DMD: variants seen among roughly 807,000 people sequenced by gnomAD.
DMD encodes dystrophin, also known as mutant dystrophin.
DMD carries 63 observed loss-of-function variants against 330.1 expected under a neutral mutation model. The observed-to-expected ratio is 0.19, with a 90% CI of 0.16 to 0.24. The LOEUF (loss-of-function observed/expected upper bound fraction) is 0.24. Among genes scored for constraint, DMD ranks in the 10% least tolerant of loss-of-function variants. The pLI is 1.00. For missense variants in DMD, 3,344 were observed against 2,684.1 expected (o/e 1.25, Z -5.43); for synonymous variants, 1,223 against 959.8 (o/e 1.27, Z -5.07).
chrX:31,896,670 T>C (rs1054116943), intron 47 of DMD, among the ~76,000 whole-genome samples: 2 of 111,827 alleles, frequency 1.8e-5, no homozygotes, highest in African/African-American at 3.2e-5. Context: ...TTATTGAGTA[T>C]AGAAAACCAT....
chrX:32,141,101 C>G (rs2096750131), intron 44 of DMD, among the ~76,000 whole-genome samples: 1 of 110,452 alleles, frequency 9.1e-6, no homozygotes, highest in African/African-American at 3.3e-5. Context: ...GCCCATTACT[C>G]CCTATGCAGT....
rs1320545270 is a variant in DMD at position 32,042,200 on chromosome X, CACACAT to C, written c.6439-73692_6439-73687del. Among the ~76,000 whole-genome samples the C allele has an allele frequency of 2.3e-3, 238 of 103,408 alleles. 1 individual carries two copies. Among genetic ancestry groups the C allele is most frequent in the African/African-American group, 8.0e-3 (226 of 28,193 alleles). The allele number at this position is 103,408 out of a possible 115,157, so 89.8% of individuals were successfully genotyped here. ...ATATATACATACATATACACACACA[CACACAT>C]ACACATACACACACATATATGTGCA... On this transcript the variant is annotated intron_variant, in intron 44 of 78. Transcript: ENST00000357033.
intron 52 of DMD, among the ~76,000 whole-genome samples, chrX:31,693,076 C>T (rs1200972773): frequency 9.0e-6 from 1 of 111,710 alleles, no homozygotes; most frequent in Admixed American, 9.5e-5. Context: ...GATTATTCAC[C>T]ATGACCAAGA....
intron 1 of DMD, among the ~76,000 whole-genome samples, chrX:33,112,566 T>C (rs1314393203): frequency 9.0e-6 from 1 of 111,387 alleles, no homozygotes; most frequent in Non-Finnish European, 1.9e-5. Flanking sequence ...ATTTGCAGCA[T>C]AATTGGAAGT....
chrX:33,020,610 G>C, intron 1 of DMD, among the ~76,000 whole-genome samples: 1 of 111,659 alleles, frequency 9.0e-6, no homozygotes, highest in Non-Finnish European at 1.9e-5. Context: ...GGAGGTGGAG[G>C]TTGCAGTGAG....
At chrX:32,410,159 C>T (rs2098135845) in intron 30 of DMD, among the ~76,000 whole-genome samples, 1 of 110,647 alleles carries the variant, frequency 9.0e-6, no homozygotes, top group South Asian at 3.8e-4. Context: ...CATTATATAT[C>T]AAGACAAATT....
rs140384479 is a variant in DMD at position 31,145,749 on chromosome X, G to A, written c.10921+542C>T. ...GCCATCTTGGCTCACTGCAACCTCC[G>A]CCTCCTGGGCTCAAGCGATTCTCCT... On this transcript the variant is annotated intron_variant, in intron 76 of 78. Coordinates refer to ENST00000357033, the MANE Select transcript of DMD (RefSeq NM_004006.3). Among the ~76,000 whole-genome samples, 1,027 of 104,127 alleles carry A rather than the reference G, an allele frequency of 9.9e-3. 8 individuals are homozygous for A. The highest frequency in any genetic ancestry group is 0.035 in the African/African-American group (958 of 27,437). 90.4% of individuals were successfully genotyped at this position (104,127 alleles called of 115,157 possible). A position where few individuals can be genotyped will look rare whatever the true frequency, so the allele number is the denominator to read the frequency against.
rs1569546101 is a variant in DMD at position 32,963,162 on chromosome X, G to A, written c.93+56977C>T. On this transcript the variant is annotated intron_variant, in intron 2 of 78. Transcript: ENST00000357033. ...AATTTATGCATACATGTGTATTGTA[G>A]TTTGAGTTTCATAATAAAACTCAAA... Among the ~76,000 whole-genome samples the A allele has an allele frequency of 2.7e-5, 3 of 111,871 alleles. No homozygotes were observed. The Admixed American group carries it at 2.9e-4, about 11-fold the overall frequency.
At chrX:33,322,618 T>C (rs2054032299) in intron 1 of DMD, among the ~76,000 whole-genome samples, 2 of 111,635 alleles carry the variant, frequency 1.8e-5, no homozygotes, top group South Asian at 3.7e-4. Context: ...CTTTCTATGC[T>C]TTCAGTGTTA....
chrX:33,291,017 T>G (rs1445092816), intron 1 of DMD, among the ~76,000 whole-genome samples: 2 of 111,195 alleles, frequency 1.8e-5, no homozygotes, highest in East Asian at 5.6e-4. Context: ...AATAAAATAC[T>G]GGCAAACTGA....
chrX:32,950,571 A>G (rs983942942), intron 2 of DMD, among the ~76,000 whole-genome samples: 1 of 111,282 alleles, frequency 9.0e-6, no homozygotes, highest in African/African-American at 3.3e-5. Flanking sequence ...GAAGGCAAAT[A>G]TTATCAGCCT....
chrX:31,306,543 T>G (rs968867170), intron 62 of DMD, among the ~76,000 whole-genome samples: 2 of 112,258 alleles, frequency 1.8e-5, no homozygotes, highest in Non-Finnish European at 3.8e-5. Context: ...GGCAATAATC[T>G]GTTCACTATA....
At chrX:32,150,433 G>A (rs2096798558) in intron 44 of DMD, among the ~76,000 whole-genome samples, 1 of 111,436 alleles carries the variant, frequency 9.0e-6, no homozygotes, top group South Asian at 3.8e-4. Flanking sequence ...GCTGGTGGTG[G>A]CATACCTAAA....
chrX:32,513,424 A>G (rs932965452), intron 18 of DMD, among the ~76,000 whole-genome samples: 2 of 112,609 alleles, frequency 1.8e-5, no homozygotes. Context: ...GTCATCTTAA[A>G]TAGAAGTAAG....
chrX:31,614,712 G>C (rs2078105121), intron 55 of DMD, among the ~76,000 whole-genome samples: 1 of 111,780 alleles, frequency 8.9e-6, no homozygotes, highest in South Asian at 3.7e-4. Context: ...TTTATGCACA[G>C]ACCTTTGTGC....
Position 33,190,948 on chromosome X carries a change from TAATATTATATATATATATAATATATA to T in DMD, c.31+20308_31+20333del, listed in dbSNP as rs2050567892. On this transcript the variant is annotated intron_variant, in intron 1 of 78. Transcript: ENST00000357033. ...TAATATTATATATATATATAATATATAATATTATATATATATATAATATATAATATTATATATATATATATAATATA... is the reference window on the plus strand; with the variant it reads ...TAATATTATATATATATATAATATATATATTATATATATATATATAATATA... 9.3e-4 allele frequency among the ~76,000 whole-genome samples: 8 copies of T among 8,585 alleles called. 2 individuals are homozygous for T. In the Admixed American group the frequency reaches 0.011, roughly 12 times the overall value. The allele number at this position is 8,585 out of a possible 115,157, so 7.5% of individuals were successfully genotyped here.
intron 62 of DMD, among the ~76,000 whole-genome samples, chrX:31,282,764 G>T (rs1013626644): frequency 3.6e-5 from 4 of 111,245 alleles, no homozygotes; most frequent in Non-Finnish European, 7.5e-5. Flanking sequence ...CAAAGATCAT[G>T]CATGAGGATT....
rs11382915 is a variant in DMD at position 32,708,285 on chromosome X, GTTT to G, written c.650-8995_650-8993del. On this transcript the variant is annotated intron_variant, in intron 7 of 78. Transcript: ENST00000357033. ...CGCAGATATTGTACAAAATGATCAG[GTTT>G]TTTTTTTTTTGAAAAAAATATGGTA... 5.5e-3 allele frequency among the ~76,000 whole-genome samples: 553 copies of G among 100,295 alleles called. 3 individuals are homozygous for G. Among genetic ancestry groups the G allele is most frequent in the African/African-American group, 0.019 (528 of 27,508 alleles). 87.1% of individuals were successfully genotyped at this position (100,295 alleles called of 115,157 possible).
chrX:31,299,724 C>T (rs867089211), intron 62 of DMD, among the ~76,000 whole-genome samples: 1 of 99,149 alleles, frequency 1.0e-5, no homozygotes, highest in Non-Finnish European at 2.0e-5. Flanking sequence ...TGCAGTGAGC[C>T]GAGATCGCAC....
Sources: allele counts gnomAD v4.1 joint callset (sites outside exome capture counted in the v4.1 genomes callset), GRCh38; gene constraint gnomAD v4.1.1; transcripts MANE v1.5; gene names NCBI Gene and HGNC (gene_info 2026-07-23, HGNC 2026-07-21).